NAA35: variants seen among roughly 807,000 people sequenced by gnomAD.
NAA35 encodes the protein MAK10 homolog, amino-acid N-acetyltransferase subunit.
Under a neutral mutation model 101.7 loss-of-function variants are expected in NAA35, and 18 were observed. The observed-to-expected ratio is 0.18, with a 90% CI of 0.12 to 0.26. The LOEUF is 0.26. Among genes scored for constraint, NAA35 ranks in the 10% least tolerant of loss-of-function variants. NAA35 has a pLI of 1.00. For synonymous variants in NAA35, 267 were observed against 273.1 expected, an observed-to-expected ratio of 0.98 and a Z score of 0.22; for missense variants, 601 against 886.8, an observed-to-expected ratio of 0.68 and a Z score of 4.09.
chr9:85,969,452 C>T (rs184057731), intron 6 of NAA35, among the ~76,000 whole-genome samples: 1 of 152,022 alleles, frequency 6.6e-6, no homozygotes, highest in Admixed American at 6.6e-5. Context: ...TGCATTGATC[C>T]CATGCTCTAT....
In NAA35 at chr9:86,017,494, A is replaced by G; in HGVS notation, c.1706-4A>G. 1 of 1,613,426 alleles carries G rather than the reference A, an allele frequency of 6.2e-7. No homozygotes were observed. Among genetic ancestry groups the G allele is most frequent in the Non-Finnish European group, 8.5e-7 (1 of 1,179,540 alleles). ...GAAGATTACGTTTTTCTTTCTAATT[A>G]CAGTTCGCCCATTGAGCCGAGAGAT... On this transcript the variant is annotated splice_region_variant and splice_polypyrimidine_tract_variant and intron_variant, in intron 18 of 22. Coordinates refer to ENST00000361671, the MANE Select transcript of NAA35 (RefSeq NM_024635.4).
At chr9:85,941,955 TA>T (rs2118223932) in intron 1 of NAA35, 199 bp from the exon 2 acceptor site, 2 of 1,238,504 alleles carry the variant, frequency 1.6e-6, no homozygotes, top group South Asian at 5.1e-5. Context: ...GGGCTAATAG[TA>T]AGCAGCAGGA....
intron 12 of NAA35, among the ~76,000 whole-genome samples, chr9:86,000,389 G>C (rs982694160): frequency 3.3e-5 from 5 of 152,118 alleles, no homozygotes; most frequent in African/African-American, 9.7e-5. Flanking sequence ...CCAGGTTTTG[G>C]TATCAAGATG....
intron 11 of NAA35, chr9:85,986,401 T>G: frequency 4.3e-6 from 2 of 469,932 alleles, no homozygotes; most frequent in South Asian, 1.5e-5. Context: ...TGTGCAGGCA[T>G]GTAATTTGTA....
At position 86,012,878 on chromosome 9, in the gene NAA35, G is replaced by T. The variant is rs79155593; in HGVS notation, c.1291-168G>T. 8.3e-3 allele frequency among the ~76,000 whole-genome samples: 1,260 copies of T among 152,246 alleles called. 21 individuals carry two copies. Among genetic ancestry groups the T allele is most frequent in the African/African-American group, 0.029 (1,214 of 41,526 alleles). On this transcript the variant is annotated intron_variant, in intron 15 of 22. Coordinates refer to ENST00000361671, the MANE Select transcript of NAA35 (RefSeq NM_024635.4). Reference sequence around the variant, plus strand: ...CCAGTTATTGATAAATTCTGGTGTTGAGTTCCTTAAAACAAACACCTATGT... The same window carrying T: ...CCAGTTATTGATAAATTCTGGTGTTTAGTTCCTTAAAACAAACACCTATGT...
At chr9:85,941,402 T>G (rs1408240289) in intron 1 of NAA35, 129 bp downstream of exon 1, 3 of 985,024 alleles carry the variant, frequency 3.0e-6, no homozygotes, top group African/African-American at 3.5e-5. Flanking sequence ...CCGCTGCGCG[T>G]CAGGTAGGAG....
At chr9:85,955,753 G>A (rs541852682) in intron 2 of NAA35, among the ~76,000 whole-genome samples, 76 of 152,248 alleles carry the variant, frequency 5.0e-4, no homozygotes, top group Non-Finnish European at 8.5e-4. Context: ...TAAAACCACT[G>A]TATAGGTCCC....
intron 12 of NAA35, among the ~76,000 whole-genome samples, chr9:85,998,209 C>T (rs557624337): frequency 1.3e-5 from 2 of 152,230 alleles, no homozygotes; most frequent in East Asian, 1.9e-4. Context: ...CCACTGTGCC[C>T]GGCCTTAAGT....
chr9:86,022,107 C>A lies in NAA35; in HGVS notation c.*147C>A. ...ATAAGGAATACTTTTAGTTTGACAG[C>A]CTTATATGACATGAATGAAAACTGC... On this transcript the variant is annotated 3_prime_UTR_variant, in exon 23 of 23. Coordinates refer to ENST00000361671, the MANE Select transcript of NAA35 (RefSeq NM_024635.4). 1.7e-6 allele frequency: 1 copy of A among 592,260 alleles called. No individual in the cohort carries two copies. The highest frequency in any genetic ancestry group is 2.9e-6 in the Non-Finnish European group (1 of 343,398). 36.7% of individuals were successfully genotyped at this position (592,260 alleles called of 1,614,324 possible).
intron 2 of NAA35, 33 bp downstream of exon 2, chr9:85,942,316 T>TC (rs1199239405): frequency 6.2e-7 from 1 of 1,609,956 alleles, no homozygotes; most frequent in Admixed American, 1.7e-5. Flanking sequence ...AAGTTCAGCA[T>TC]CTGGAAGGGG....
chr9:85,992,639 A>C (rs1414249571), intron 11 of NAA35, among the ~76,000 whole-genome samples: 3 of 152,232 alleles, frequency 2.0e-5, no homozygotes, highest in African/African-American at 4.8e-5. Flanking sequence ...GGCAGTATAC[A>C]GAATTACTGG....
intron 11 of NAA35, among the ~76,000 whole-genome samples, chr9:85,989,624 C>T (rs941963044): frequency 6.6e-5 from 10 of 152,074 alleles, no homozygotes; most frequent in Non-Finnish European, 1.2e-4. Flanking sequence ...AGACCTTTTT[C>T]CTGGAGGAGA....
Position 86,016,791 on chromosome 9 carries a change from A to G in NAA35, c.1705+116A>G, listed in dbSNP as rs946198612. The G allele has an allele frequency of 5.9e-6, 6 of 1,018,120 alleles. No individual in the cohort carries two copies. The Admixed American group carries it at 1.3e-4, about 22-fold the overall frequency. The allele number at this position is 1,018,120 out of a possible 1,614,324, so 63.1% of individuals were successfully genotyped here. On this transcript the variant is annotated intron_variant, in intron 18 of 22. Transcript: ENST00000361671. Reference sequence around the variant, plus strand: ...TATTTTAGTTCTTGTTCCTCTTTTCAGAAACTATAAGGTAGAGACTGAGTC... The same window carrying G: ...TATTTTAGTTCTTGTTCCTCTTTTCGGAAACTATAAGGTAGAGACTGAGTC...
chr9:86,008,815 CTCTT>C lies in NAA35; in HGVS notation c.1224-1048_1224-1045del, dbSNP rs201074375. Among the ~76,000 whole-genome samples the C allele has an allele frequency of 7.6e-3, 1,157 of 152,256 alleles. 12 individuals are homozygous for C. Among genetic ancestry groups the C allele is most frequent in the African/African-American group, 0.026 (1,084 of 41,550 alleles). On this transcript the variant is annotated intron_variant, in intron 14 of 22. Transcript: ENST00000361671. ...CTTCTTCTGAAGCGTTGATGAGTTTCTCTTTATTTTAGGAGTTCAGAAGTTTTAC... is the reference window on the plus strand; with the variant it reads ...CTTCTTCTGAAGCGTTGATGAGTTTCTATTTTAGGAGTTCAGAAGTTTTAC...
intron 15 of NAA35, 33 bp from the exon 16 acceptor site, chr9:86,013,013 A>G: frequency 7.1e-7 from 1 of 1,401,536 alleles, no homozygotes; most frequent in Non-Finnish European, 9.7e-7. Context: ...GAAATTTCAT[A>G]TTTACAGTTG....
intron 2 of NAA35, among the ~76,000 whole-genome samples, chr9:85,952,376 C>T (rs1829058048): frequency 6.6e-6 from 1 of 150,926 alleles, no homozygotes; most frequent in South Asian, 2.1e-4. Flanking sequence ...ACTTCTACCT[C>T]CTGGGTTCAA....
At chr9:85,982,031 A>C (rs1256176098) in intron 11 of NAA35, among the ~76,000 whole-genome samples, 2 of 152,214 alleles carry the variant, frequency 1.3e-5, no homozygotes, top group Non-Finnish European at 2.9e-5. Context: ...AGTAGGAATA[A>C]TCAAACTTGA....
At chr9:85,990,548 TATCAG>T (rs1252117287) in intron 11 of NAA35, among the ~76,000 whole-genome samples, 1 of 152,246 alleles carries the variant, frequency 6.6e-6, no homozygotes, top group African/African-American at 2.4e-5. Flanking sequence ...ACTTCTCAAT[TATCAG>T]AAGGAAAATA....
intron 14 of NAA35, 68 bp downstream of exon 14, chr9:86,007,532 C>T: frequency 1.8e-6 from 2 of 1,125,238 alleles, no homozygotes; most frequent in South Asian, 2.8e-5. Flanking sequence ...TCTCTGTACT[C>T]CTTCTTTATA....
Sources: allele counts gnomAD v4.1 joint callset (sites outside exome capture counted in the v4.1 genomes callset), GRCh38; gene constraint gnomAD v4.1.1; transcripts MANE v1.5; gene names NCBI Gene and HGNC (gene_info 2026-07-23, HGNC 2026-07-21).